ALDH1L1: variants seen among roughly 807,000 people sequenced by gnomAD.
ALDH1L1 encodes the protein cytosolic 10-formyltetrahydrofolate dehydrogenase.
A neutral mutation model predicts 101.1 loss-of-function variants in ALDH1L1; 68 were observed. That is an observed-to-expected ratio of 0.67 (90% CI 0.55 to 0.82). The LOEUF is 0.82. Among genes scored for constraint, ALDH1L1 ranks in the 40% least tolerant of loss-of-function variants. The probability of loss-of-function intolerance (pLI) is 0.00; values close to 1 mark genes in which losing one functional copy is unlikely to be tolerated. For missense variants in ALDH1L1, 1,087 were observed against 1,172.7 expected, an observed-to-expected ratio of 0.93 and a Z score of 1.07; for synonymous variants, 486 against 470.8, an observed-to-expected ratio of 1.03 and a Z score of -0.42.
intron 1 of ALDH1L1, among the ~76,000 whole-genome samples, chr3:126,196,900 C>T (rs4679106): frequency 0.62 from 94,700 of 152,060 alleles, 29,562 homozygotes; most frequent in Middle Eastern, 0.67. Flanking sequence ...CAGTCTCCAT[C>T]GCCCTTCCCA....
At chr3:126,183,536 C>G (rs2081493167), upstream of ALDH1L1, among the ~76,000 whole-genome samples, 1 of 152,184 alleles carries the variant, frequency 6.6e-6, no homozygotes, top group Non-Finnish European at 1.5e-5. Context: ...CGTGGAGAAT[C>G]ACTCTGGGGC....
chr3:126,197,087 G>A (rs2081585689), intron 1 of ALDH1L1, among the ~76,000 whole-genome samples: 1 of 152,180 alleles, frequency 6.6e-6, no homozygotes, highest in Admixed American at 6.5e-5. Flanking sequence ...AAACAAGATG[G>A]AGACCTAATC....
chr3:126,180,612 A>C, upstream of ALDH1L1: 1 of 1,244,462 alleles, frequency 8.0e-7, no homozygotes, highest in Non-Finnish European at 1.0e-6. Flanking sequence ...AGCTCTGGTT[A>C]AGGCCAGAGC....
intron 1 of ALDH1L1, among the ~76,000 whole-genome samples, chr3:126,195,897 G>T (rs1277666070): frequency 6.6e-6 from 1 of 152,106 alleles, no homozygotes; most frequent in African/African-American, 2.4e-5. Flanking sequence ...TCACTCATAG[G>T]TGGGAACCGA....
intron 1 of ALDH1L1, among the ~76,000 whole-genome samples, chr3:126,162,606 G>A (rs1394796123): frequency 6.6e-6 from 1 of 152,138 alleles, no homozygotes; most frequent in African/African-American, 2.4e-5. Context: ...TGTCAGATAT[G>A]TGTATGGAAA....
Position 126,153,696 on chromosome 3 carries a change from C to A in ALDH1L1, c.721-115G>T, listed in dbSNP as rs1393753874. On this transcript the variant is annotated intron_variant, in intron 6 of 22. Transcript: ENST00000393434. ...GGAGAGGGGCCAGGGGTAGCTGAGACCTGGGAGCCGGCTCAAAGCCCATGT... is the reference window on the plus strand; with the variant it reads ...GGAGAGGGGCCAGGGGTAGCTGAGAACTGGGAGCCGGCTCAAAGCCCATGT... The A allele has an allele frequency of 5.2e-6, 7 of 1,352,152 alleles. No homozygotes were observed. The African/African-American group carries it at 1.0e-4, about 20-fold the overall frequency. 83.8% of individuals were successfully genotyped at this position (1,352,152 alleles called of 1,614,324 possible).
At chr3:126,115,716 A>C (rs946622856) in intron 17 of ALDH1L1, among the ~76,000 whole-genome samples, 4 of 151,942 alleles carry the variant, frequency 2.6e-5, no homozygotes, top group Admixed American at 2.6e-4. Context: ...CTGGGATTAC[A>C]GGCACGTGCC....
At chr3:126,117,964 C>T (rs779728858) in intron 17 of ALDH1L1, 41 bp downstream of exon 17, 3 of 1,562,586 alleles carry the variant, frequency 1.9e-6, no homozygotes, top group South Asian at 2.3e-5. Context: ...CCAGGCGCAG[C>T]CCACAGCAGC....
intron 12 of ALDH1L1, among the ~76,000 whole-genome samples, chr3:126,132,572 G>C (rs1218588900): frequency 6.6e-6 from 1 of 152,086 alleles, no homozygotes; most frequent in Non-Finnish European, 1.5e-5. Context: ...TGGCTTTTAG[G>C]GGCTGTGTTG....
intron 1 of ALDH1L1, among the ~76,000 whole-genome samples, chr3:126,192,581 A>C (rs2081559067): frequency 6.6e-6 from 1 of 152,182 alleles, no homozygotes; most frequent in Non-Finnish European, 1.5e-5. Flanking sequence ...AGGAAACTTC[A>C]TATGCCTCTT....
intron 17 of ALDH1L1, among the ~76,000 whole-genome samples, chr3:126,115,813 G>A (rs898079698): frequency 1.4e-4 from 21 of 152,032 alleles, no homozygotes; most frequent in African/African-American, 4.6e-4. Flanking sequence ...GACCTCAGGT[G>A]ATCTGCCCAC....
intron 18 of ALDH1L1, among the ~76,000 whole-genome samples, chr3:126,114,034 G>C (rs150937564): frequency 1.3e-5 from 2 of 152,188 alleles, no homozygotes; most frequent in Admixed American, 1.3e-4. Flanking sequence ...CACGGCCACC[G>C]GTAGAGGGTC....
At chr3:126,130,678 C>T (rs571274675) in intron 13 of ALDH1L1, among the ~76,000 whole-genome samples, 58 of 152,292 alleles carry the variant, frequency 3.8e-4, no homozygotes, top group African/African-American at 1.2e-3. Context: ...GGAGTAGGGG[C>T]GGGCACCAGG....
intron 2 of ALDH1L1, among the ~76,000 whole-genome samples, chr3:126,159,865 G>A (rs1311389491): frequency 1.3e-5 from 2 of 152,156 alleles, no homozygotes; most frequent in Non-Finnish European, 2.9e-5. Flanking sequence ...TGATTCTAGG[G>A]CCAGGCTGCA....
intron 1 of ALDH1L1, among the ~76,000 whole-genome samples, chr3:126,195,319 T>C (rs925005042): frequency 2.0e-5 from 3 of 152,200 alleles, no homozygotes; most frequent in Non-Finnish European, 4.4e-5. Flanking sequence ...GACATTACAG[T>C]TTTTACTTTC....
At chr3:126,184,679 C>A (rs1190706049), upstream of ALDH1L1, among the ~76,000 whole-genome samples, 1 of 152,212 alleles carries the variant, frequency 6.6e-6, no homozygotes, top group Admixed American at 6.5e-5. Flanking sequence ...GATTAGGAGA[C>A]AAGCCTGGCT....
rs1345695140 is a variant in ALDH1L1 at position 126,103,768 on chromosome 3, T to C, written c.*23A>G. ...CCAGCCACGAGGGAGGGGCAGGGAC[T>C]TTCTTCTCACAAAGACCTTTCTTCA... On this transcript the variant is annotated 3_prime_UTR_variant, in exon 23 of 23. Coordinates refer to ENST00000393434, the MANE Select transcript of ALDH1L1 (RefSeq NM_012190.4). The C allele has an allele frequency of 6.2e-7, 1 of 1,612,086 alleles. No individual in the cohort carries two copies. The highest frequency in any genetic ancestry group is 1.1e-5 in the South Asian group (1 of 90,456).
At chr3:126,112,021 C>T (rs1406610267) in intron 19 of ALDH1L1, among the ~76,000 whole-genome samples, 1 of 152,212 alleles carries the variant, frequency 6.6e-6, no homozygotes, top group Non-Finnish European at 1.5e-5. Context: ...CTGGTGCCAT[C>T]AGCCCCATAC....
chr3:126,124,658 G>A (rs570810139), intron 15 of ALDH1L1, among the ~76,000 whole-genome samples: 3 of 152,170 alleles, frequency 2.0e-5, no homozygotes, highest in African/African-American at 7.2e-5. Flanking sequence ...TGGGAATCAG[G>A]GTGGGCCAAC....
Sources: gnomAD v4.1 joint callset for allele counts (sites outside exome capture counted in the v4.1 genomes callset) on GRCh38, gnomAD v4.1.1 for gene constraint, MANE v1.5 for transcripts, NCBI Gene and HGNC (gene_info 2026-07-23, HGNC 2026-07-21) for gene names.